Variants in SRGAP1 observed in about 807,000 individuals in gnomAD.
SRGAP1 encodes the protein SLIT-ROBO Rho GTPase-activating protein 1.
SRGAP1 carries 43 observed loss-of-function variants against 121.9 expected under a neutral mutation model. That is an observed-to-expected ratio of 0.35 (90% CI 0.28 to 0.46). The LOEUF (loss-of-function observed/expected upper bound fraction) is 0.46, where lower values mean the gene tolerates loss of function less well. Among genes scored for constraint, SRGAP1 ranks in the 20% least tolerant of loss-of-function variants. The probability of loss-of-function intolerance (pLI) is 1.00; values close to 1 mark genes in which losing one functional copy is unlikely to be tolerated. For synonymous variants in SRGAP1, 447 were observed against 485.4 expected (o/e 0.92, Z 1.04); for missense variants, 1,102 against 1,350.9 (o/e 0.82, Z 2.89).
intron 4 of SRGAP1, among the ~76,000 whole-genome samples, chr12:64,030,533 C>T (rs958728556): frequency 6.6e-6 from 1 of 152,114 alleles, no homozygotes; most frequent in Non-Finnish European, 1.5e-5. Flanking sequence ...GTACCAAAAT[C>T]TTATGAAACT....
intron 17 of SRGAP1, among the ~76,000 whole-genome samples, chr12:64,112,980 C>T (rs1565686122): frequency 1.3e-5 from 2 of 152,022 alleles, no homozygotes; most frequent in Admixed American, 6.6e-5. Context: ...GTGGCTTGCA[C>T]CTGTAGTCCC....
rs767868053 is a variant in SRGAP1, at chr12:64,126,075, C to T, written c.2323C>T (p.Arg775Cys). ...KKGASLLLYH[R>C]ASEDWWEGRH... The stretch of plus-strand genomic sequence containing the variant: ...GGGTGCCTCCCTGCTGCTGTATCAC[C>T]GTGCATCTGAGGACTGGTGGGAAGG... The change falls in exon 19 of 22, where the codon CGT becomes TGT. Residue 775 changes from arginine to cysteine, a missense_variant. This residue lies in a region of SRGAP1 where 40 missense variants were observed against 78.4 expected (regional missense o/e 0.51). Transcript: ENST00000355086. The T allele has an allele frequency of 3.0e-5, 49 of 1,614,038 alleles. No homozygotes were observed. The highest frequency in any genetic ancestry group is 5.0e-5 in the Admixed American group (3 of 59,996).
chr12:63,938,077 C>T (rs180903315), intron 1 of SRGAP1, among the ~76,000 whole-genome samples: 1 of 152,306 alleles, frequency 6.6e-6, no homozygotes, highest in East Asian at 1.9e-4. Flanking sequence ...GAGGAACCCT[C>T]AGCGGTTTCT....
intron 3 of SRGAP1, among the ~76,000 whole-genome samples, chr12:64,002,433 G>A (rs999338467): frequency 9.2e-5 from 14 of 152,176 alleles, no homozygotes; most frequent in African/African-American, 3.4e-4. Context: ...CATAAGGAGT[G>A]TTTAGTAGAT....
chr12:64,002,790 T>G (rs1471204875), intron 3 of SRGAP1, among the ~76,000 whole-genome samples: 1 of 152,150 alleles, frequency 6.6e-6, no homozygotes, highest in Non-Finnish European at 1.5e-5. Context: ...CCAACCAGAT[T>G]GATTTCCTGA....
At chr12:63,935,555 G>C (rs907001325) in intron 1 of SRGAP1, among the ~76,000 whole-genome samples, 1 of 152,150 alleles carries the variant, frequency 6.6e-6, no homozygotes, top group Admixed American at 6.5e-5. Context: ...TCAATTATAA[G>C]TATAAATGAA....
intron 1 of SRGAP1, among the ~76,000 whole-genome samples, chr12:63,867,540 C>G (rs1355682632): frequency 6.6e-6 from 1 of 152,076 alleles, no homozygotes; most frequent in Non-Finnish European, 1.5e-5. Flanking sequence ...TATGGCTACT[C>G]TGGAACCTCA....
intron 8 of SRGAP1, among the ~76,000 whole-genome samples, chr12:64,076,042 A>G (rs1844668389): frequency 6.6e-6 from 1 of 152,216 alleles, no homozygotes. Flanking sequence ...GAAACCTGTG[A>G]CACAGGGAAC....
At chr12:64,033,764 A>G (rs1230592150) in intron 4 of SRGAP1, among the ~76,000 whole-genome samples, 1 of 152,138 alleles carries the variant, frequency 6.6e-6, no homozygotes, top group Non-Finnish European at 1.5e-5. Flanking sequence ...GCTCACGCCT[A>G]TAATCCCAAC....
At position 63,844,763 on chromosome 12, in the gene SRGAP1, T is replaced by G. The variant is rs1022549617; in HGVS notation, c.-54T>G. 6 of 1,575,164 alleles carry G rather than the reference T, an allele frequency of 3.8e-6. No individual in the cohort carries two copies. In the African/African-American group the frequency reaches 8.1e-5, roughly 21 times the overall value. ...CTCTGCCTCTCCAAGGAGAACGGGT[T>G]GTGACCACTGAACAAAACTTGCCCA... On this transcript the variant is annotated 5_prime_UTR_variant, in exon 1 of 22. Transcript: ENST00000355086. This position sits in a 1 kb window ranked among gnomAD's most constrained non-coding sequence, Gnocchi z 4.3.
At chr12:63,903,656 A>G (rs1319251443) in intron 1 of SRGAP1, among the ~76,000 whole-genome samples, 1 of 151,720 alleles carries the variant, frequency 6.6e-6, no homozygotes, top group Non-Finnish European at 1.5e-5. Flanking sequence ...CTGCCTTGAG[A>G]CAGAGTCTCA....
intron 2 of SRGAP1, among the ~76,000 whole-genome samples, chr12:63,989,594 A>G (rs1054920868): frequency 6.6e-6 from 1 of 152,194 alleles, no homozygotes; most frequent in African/African-American, 2.4e-5. Flanking sequence ...TCTTCAATGG[A>G]GCGTTTAAAG....
chr12:63,988,354 T>A (rs2033470412), intron 2 of SRGAP1, among the ~76,000 whole-genome samples: 2 of 152,196 alleles, frequency 1.3e-5, no homozygotes, highest in African/African-American at 4.8e-5. Flanking sequence ...AGATAGGAAC[T>A]CTCAATAGAA....
At chr12:63,895,674 T>C (rs904529658) in intron 1 of SRGAP1, among the ~76,000 whole-genome samples, 5 of 152,230 alleles carry the variant, frequency 3.3e-5, no homozygotes, top group Admixed American at 6.5e-5. Flanking sequence ...ACCTCCCATT[T>C]CCTTTGGGTA....
intron 10 of SRGAP1, among the ~76,000 whole-genome samples, chr12:64,085,615 C>T (rs2035923532): frequency 6.6e-6 from 1 of 152,170 alleles, no homozygotes; most frequent in African/African-American, 2.4e-5. Context: ...CCATAAGGCA[C>T]CACATACCAC....
At chr12:63,891,983 C>CAAAA in intron 1 of SRGAP1, among the ~76,000 whole-genome samples, 1 of 96,346 alleles carries the variant, frequency 1.0e-5, no homozygotes, top group Non-Finnish European at 2.1e-5. Context: ...AAGACTGTCT[C>CAAAA]AAAAAAAAAA....
chr12:63,912,758 T>C (rs1168581123), intron 1 of SRGAP1, among the ~76,000 whole-genome samples: 2 of 152,158 alleles, frequency 1.3e-5, no homozygotes, highest in Non-Finnish European at 2.9e-5. Flanking sequence ...CTGAAAACTC[T>C]AGTTTTACAT....
At chr12:64,105,785 A>G (rs1447691881) in intron 15 of SRGAP1, among the ~76,000 whole-genome samples, 5 of 151,404 alleles carry the variant, frequency 3.3e-5, no homozygotes, top group African/African-American at 7.4e-5. Flanking sequence ...CTCTGTCTCA[A>G]AAACAACAAC....
chr12:63,860,938 TA>T (rs1282192697), intron 1 of SRGAP1, among the ~76,000 whole-genome samples: 4 of 151,904 alleles, frequency 2.6e-5, no homozygotes, highest in African/African-American at 9.7e-5. Flanking sequence ...TGGGCTCAAG[TA>T]ATGCTCTCAC....
Sources: gnomAD v4.1 joint callset for allele counts (sites outside exome capture counted in the v4.1 genomes callset) on GRCh38, gnomAD v4.1.1 for gene constraint, gnomAD v4.1.1 regional missense constraint, Gnocchi (gnomAD v3.1) non-coding constraint, MANE v1.5 for transcripts, NCBI Gene and HGNC (gene_info 2026-07-23, HGNC 2026-07-21) for gene names.